Variants in NCAPG observed in about 807,000 individuals in gnomAD.
NCAPG encodes the protein condensin complex subunit 3.
Under a neutral mutation model 113.1 loss-of-function variants are expected in NCAPG, and 69 were observed. The ratio of observed to expected loss-of-function variants is 0.61; its 90% CI spans 0.50 to 0.75. The LOEUF (loss-of-function observed/expected upper bound fraction) is 0.75. Ranked by LOEUF, NCAPG falls within the 30% of genes least tolerant of loss-of-function variation. The probability of loss-of-function intolerance (pLI) is 0.00; values close to 1 mark genes in which losing one functional copy is unlikely to be tolerated. For synonymous variants in NCAPG, 370 were observed against 415.8 expected, an observed-to-expected ratio of 0.89 and a Z score of 1.34; for missense variants, 1,058 against 1,177.0, an observed-to-expected ratio of 0.90 and a Z score of 1.48.
chr4:17,812,452 G>A, intron 2 of NCAPG, 28 bp downstream of exon 2: 1 of 1,588,026 alleles, frequency 6.3e-7, no homozygotes, highest in Non-Finnish European at 8.6e-7. Context: ...GCTTTGGGGA[G>A]GGATTTTAGA....
intron 20 of NCAPG, chr4:17,842,918 T>A: frequency 6.1e-6 from 1 of 162,832 alleles, no homozygotes; most frequent in Admixed American, 6.0e-5. Context: ...TTTTTTACTA[T>A]GTTTTTGGAA....
At position 17,843,405 on chromosome 4, in the gene NCAPG, CTCAATGAAGA is replaced by C. The variant is rs781131210; in HGVS notation, c.3031_3040del (p.Asn1011Ter). ...AAGTAAACTTAACCTTGCCCAATTT[CTCAATGAAGA>C]TCTAAGTTAGGAAAGACGATGGAGG... On this transcript the variant is annotated frameshift_variant, in exon 21 of 21. Coordinates refer to ENST00000251496, the MANE Select transcript of NCAPG (RefSeq NM_022346.5). LOFTEE classifies it high-confidence loss of function. 1.8e-5 allele frequency: 29 copies of C among 1,611,322 alleles called. No homozygotes were observed. The South Asian group carries it at 2.1e-4, about 12-fold the overall frequency.
Position 17,825,540 on chromosome 4 carries a change from T to G in NCAPG, c.1632T>G (p.Ile544Met). The G allele has an allele frequency of 6.3e-7, 1 of 1,594,478 alleles. No individual in the cohort carries two copies. Among genetic ancestry groups the G allele is most frequent in the Non-Finnish European group, 8.5e-7 (1 of 1,174,982 alleles). Residue 544 changes from isoleucine (I) to methionine (M), a missense_variant, in exon 11 of 21, where the codon ATT (isoleucine) becomes ATG (methionine). By Grantham distance (10) the Ile-to-Met change is conservative. Coordinates refer to ENST00000251496, the MANE Select transcript of NCAPG (RefSeq NM_022346.5). ...TGAAAGAGACAGAGCAACTTGAAATTAAAGAAGTCCACATAGAGAAGGTAC... is the reference window on the plus strand; with the variant it reads ...TGAAAGAGACAGAGCAACTTGAAATGAAAGAAGTCCACATAGAGAAGGTAC... Reference protein sequence around the residue: ...NLLKETEQLEIKEVHIEKNDA... With the variant: ...NLLKETEQLEMKEVHIEKNDA...
At chr4:17,842,843 G>C (rs541370405) in intron 20 of NCAPG, 8 of 164,888 alleles carry the variant, frequency 4.9e-5, no homozygotes, top group South Asian at 1.5e-4. Context: ...AAATTGTATT[G>C]TGTGTATTTT....
chr4:17,841,323 T>C (rs1722380850), intron 19 of NCAPG: 1 of 152,032 alleles, frequency 6.6e-6, no homozygotes, highest in Non-Finnish European at 1.5e-5. Flanking sequence ...GAGCCAACCA[T>C]GATTTTGATT....
At chr4:17,818,175 T>C in intron 7 of NCAPG, 87 bp downstream of exon 7, 1 of 1,397,084 alleles carries the variant, frequency 7.2e-7, no homozygotes, top group African/African-American at 1.4e-5. Flanking sequence ...TCATGTTTGA[T>C]TGTGAATATG....
chr4:17,811,644 A>T lies in NCAPG; in HGVS notation c.111+456A>T, dbSNP rs371479173. ...CTACCCTTGTCCTACGGTTACGTTGAATCCAATCACCAAATACCAAATTAT... is the reference window on the plus strand; with the variant it reads ...CTACCCTTGTCCTACGGTTACGTTGTATCCAATCACCAAATACCAAATTAT... On this transcript the variant is annotated intron_variant, in intron 1 of 20. Transcript: ENST00000251496. This position sits in a 1 kb window ranked among gnomAD's most constrained non-coding sequence, Gnocchi z 5.3. Among the ~76,000 whole-genome samples, 1 of 152,216 alleles carries T rather than the reference A, an allele frequency of 6.6e-6. No individual in the cohort carries two copies. The highest frequency in any genetic ancestry group is 1.5e-5 in the Non-Finnish European group (1 of 68,032).
intron 15 of NCAPG, 57 bp from the exon 16 acceptor site, chr4:17,837,570 C>T (rs1722152733): frequency 6.5e-7 from 1 of 1,539,250 alleles, no homozygotes; most frequent in Non-Finnish European, 8.8e-7. Flanking sequence ...GAATTTCATA[C>T]TTTTTCTCTC....
intron 13 of NCAPG, 91 bp from the exon 14 acceptor site, chr4:17,834,207 AG>A: frequency 1.2e-6 from 1 of 818,018 alleles, no homozygotes; most frequent in Non-Finnish European, 1.8e-6. Flanking sequence ...AATTTGACTA[AG>A]AAAAAAACAA....
At position 17,843,887 on chromosome 4, in the gene NCAPG, G is replaced by C. The variant is rs1036916635; in HGVS notation, c.*462G>C. 6.5e-6 allele frequency: 1 copy of C among 152,926 alleles called. No individual in the cohort carries two copies. Among genetic ancestry groups the C allele is most frequent in the Non-Finnish European group, 1.5e-5 (1 of 68,470 alleles). The allele number at this position is 152,926 out of a possible 1,614,324, so 9.5% of individuals were successfully genotyped here. On this transcript the variant is annotated 3_prime_UTR_variant, in exon 21 of 21. Transcript: ENST00000251496. ...GAAGTACCACAAACTGGCTAGAAAG[G>C]AGCTTATCAATCACCAGTGAGGAAG...
At chr4:17,832,898 T>A (rs1164634762) in intron 13 of NCAPG, among the ~76,000 whole-genome samples, 2 of 152,200 alleles carry the variant, frequency 1.3e-5, no homozygotes, top group Non-Finnish European at 2.9e-5. Context: ...TGTTGCTTCA[T>A]AATGGACCAT....
chr4:17,824,900 A>T (rs1721597495), intron 9 of NCAPG, 68 bp from the exon 10 acceptor site: 2 of 1,113,496 alleles, frequency 1.8e-6, no homozygotes, highest in Middle Eastern at 2.0e-4. Context: ...TTGGAGTTTT[A>T]TATAGAATTT....
In NCAPG at chr4:17,830,990, A is replaced by G. The variant is rs1721846302; in HGVS notation, c.1765-7A>G. 6.2e-7 allele frequency: 1 copy of G among 1,608,822 alleles called. No homozygotes were observed. On this transcript the variant is annotated splice_polypyrimidine_tract_variant and splice_region_variant and intron_variant, in intron 12 of 20. Transcript: ENST00000251496. ...AAATCATATGGAAAATTTCTGATTCATTTTAGATTCTTCCTGGAATAATAA... is the reference window on the plus strand; with the variant it reads ...AAATCATATGGAAAATTTCTGATTCGTTTTAGATTCTTCCTGGAATAATAA...
intron 13 of NCAPG, among the ~76,000 whole-genome samples, chr4:17,832,473 G>T (rs1721904408): frequency 6.6e-6 from 1 of 152,198 alleles, no homozygotes; most frequent in African/African-American, 2.4e-5. Context: ...GTTTTCCTAT[G>T]ATGGGGAAAG....
rs34278178 is a variant in NCAPG at position 17,843,892 on chromosome 4, T to TATCA, written c.*472_*475dup. On this transcript the variant is annotated 3_prime_UTR_variant, in exon 21 of 21. Transcript: ENST00000251496. ...ACCACAAACTGGCTAGAAAGGAGCT[T>TATCA]ATCAATCACCAGTGAGGAAGACCAG... The TATCA allele has an allele frequency of 4.6e-3, 703 of 153,082 alleles. 1 individual carries two copies. The highest frequency in any genetic ancestry group is 0.01 in the Middle Eastern group (3 of 294). The allele number at this position is 153,082 out of a possible 1,614,324, so 9.5% of individuals were successfully genotyped here.
chr4:17,813,241 T>C, intron 3 of NCAPG, 96 bp downstream of exon 3: 1 of 945,258 alleles, frequency 1.1e-6, no homozygotes, highest in Non-Finnish European at 1.5e-6. Context: ...ATTTGAAGAG[T>C]ATAGGTAATT....
intron 12 of NCAPG, among the ~76,000 whole-genome samples, chr4:17,828,740 A>T (rs1344928031): frequency 1.3e-5 from 2 of 152,124 alleles, no homozygotes; most frequent in African/African-American, 2.4e-5. Flanking sequence ...TGAGACAATC[A>T]CATTTTATGC....
rs747869114 is a variant in NCAPG at position 17,843,372 on chromosome 4, C to A, written c.2995C>A (p.Leu999Ile). 1.2e-6 allele frequency: 2 copies of A among 1,611,854 alleles called. No homozygotes were observed. The highest frequency in any genetic ancestry group is 3.3e-5 in the Admixed American group (2 of 59,942). The stretch of plus-strand genomic sequence containing the variant: ...ACCAAGACGAGCCAAAACCGCAGCA[C>A]TAGAAAAAAGTAAACTTAACCTTGC... ...RLPRRAKTAA[L>I]EKSKLNLAQF... The change falls in exon 21 of 21, where the codon CTA becomes ATA. Residue 999 changes from leucine to isoleucine, a missense_variant. By Grantham distance (5) the Leu-to-Ile change is conservative. Transcript: ENST00000251496.
At chr4:17,831,924 T>C (rs11931594) in intron 13 of NCAPG, among the ~76,000 whole-genome samples, 31,472 of 151,954 alleles carry the variant, frequency 0.21, 3,839 homozygotes, top group African/African-American at 0.33. Flanking sequence ...CCAGGGAGGG[T>C]TTGGCAAACC....
Sources: gnomAD v4.1 joint callset for allele counts (sites outside exome capture counted in the v4.1 genomes callset) on GRCh38, gnomAD v4.1.1 for gene constraint, Gnocchi (gnomAD v3.1) non-coding constraint, MANE v1.5 for transcripts, NCBI Gene and HGNC (gene_info 2026-07-23, HGNC 2026-07-21) for gene names.